The following ARRB2 variants were observed in gnomAD, a reference collection of about 807,000 sequenced individuals.
ARRB2 encodes arrestin beta 2, also known as beta-arrestin-2.
A neutral mutation model predicts 53.4 loss-of-function variants in ARRB2; 21 were observed. The observed-to-expected ratio is 0.39, with a 90% confidence interval of 0.28 to 0.57. The LOEUF is 0.57. Among genes scored for constraint, ARRB2 ranks in the 20% least tolerant of loss-of-function variants. ARRB2 has a pLI of 0.55. For missense variants in ARRB2, 369 were observed against 527.5 expected (o/e 0.70, Z 2.94); for synonymous variants, 180 against 212.9 (o/e 0.85, Z 1.34).
chr17:4,721,360 ACTC>A lies in ARRB2; in HGVS notation c.*324_*326del. On this transcript the variant is annotated 3_prime_UTR_variant, in exon 15 of 15. Transcript: ENST00000269260. This position sits in a 1 kb window ranked among gnomAD's most constrained non-coding sequence, Gnocchi z 4.2. ...GACAGGAGGGAAAGGGGGAGACAAA[ACTC>A]CTACTCTCAACCTCACACCAACACC... 1 of 426,822 alleles carries A rather than the reference ACTC, an allele frequency of 2.3e-6. No individual in the cohort carries two copies. The highest frequency in any genetic ancestry group is 4.1e-6 in the Non-Finnish European group (1 of 242,458). The allele number at this position is 426,822 out of a possible 1,614,324, so 26.4% of individuals were successfully genotyped here.
intron 1 of ARRB2, among the ~76,000 whole-genome samples, chr17:4,713,163 C>T (rs1177669628): frequency 1.4e-5 from 2 of 147,142 alleles, no homozygotes; most frequent in South Asian, 4.3e-4. Flanking sequence ...TGGAGATCAG[C>T]CTGGCTAACA....
chr17:4,717,299 G>A lies in ARRB2; in HGVS notation c.417+23G>A. The A allele has an allele frequency of 6.2e-7, 1 of 1,613,434 alleles. No homozygotes were observed. Among genetic ancestry groups the A allele is most frequent in the Non-Finnish European group, 8.5e-7 (1 of 1,179,380 alleles). ...AAGGTACGGGAGGAACAGCTCTGAG[G>A]GCTCCTAGGGCAGGACATGGGCCAG... On this transcript the variant is annotated intron_variant, in intron 6 of 14. Coordinates refer to ENST00000269260, the MANE Select transcript of ARRB2 (RefSeq NM_004313.4). This position sits in a 1 kb window ranked among gnomAD's most constrained non-coding sequence, Gnocchi z 6.0.
chr17:4,715,897 G>A, intron 2 of ARRB2, 76 bp from the exon 3 acceptor site: 1 of 1,555,092 alleles, frequency 6.4e-7, no homozygotes, highest in Non-Finnish European at 8.9e-7. Flanking sequence ...CCCCGGGCAG[G>A]GCAGCCAGTT....
At chr17:4,713,136 C>T (rs944939949) in intron 1 of ARRB2, among the ~76,000 whole-genome samples, 2 of 151,722 alleles carry the variant, frequency 1.3e-5, no homozygotes, top group Admixed American at 6.6e-5. Context: ...GCGGGTGGAT[C>T]ACCTGAGGTC....
chr17:4,719,205 T>G (rs1915422736), intron 10 of ARRB2, 78 bp from the exon 11 acceptor site: 3 of 1,525,412 alleles, frequency 2.0e-6, no homozygotes, highest in Non-Finnish European at 2.7e-6. Context: ...GAGGGGGAGA[T>G]GCTGCTTGGG....
chr17:4,719,489 G>T, intron 11 of ARRB2, 69 bp downstream of exon 11: 1 of 1,572,358 alleles, frequency 6.4e-7, no homozygotes, highest in African/African-American at 1.4e-5. Context: ...CTCTATCCTA[G>T]TGTGCCAGGG....
intron 9 of ARRB2, 49 bp from the exon 10 acceptor site, chr17:4,718,563 G>T: frequency 1.3e-6 from 2 of 1,582,876 alleles, no homozygotes; most frequent in Non-Finnish European, 1.7e-6. Context: ...GTGGTGTGGT[G>T]GTGGCTTGTG....
In ARRB2 at chr17:4,713,351, G is replaced by A. The variant is rs145710537; in HGVS notation, c.24-1662G>A. The stretch of plus-strand genomic sequence containing the variant: ...CTATACTAAAAATATAAAAATTAGC[G>A]GCCGGGCGTGGTGGCTCACGCCTGT... On this transcript the variant is annotated intron_variant, in intron 1 of 14. Transcript: ENST00000269260. 4.7e-3 allele frequency among the ~76,000 whole-genome samples: 709 copies of A among 152,086 alleles called. 4 individuals carry two copies. Among genetic ancestry groups the A allele is most frequent in the African/African-American group, 0.016 (658 of 41,504 alleles).
intron 14 of ARRB2, 85 bp from the exon 15 acceptor site, chr17:4,720,861 G>A (rs1022313745): frequency 4.3e-6 from 6 of 1,406,240 alleles, no homozygotes; most frequent in Non-Finnish European, 5.0e-6. Context: ...TGTCCCAGAG[G>A]CCTAGCTTCG....
intron 3 of ARRB2, 45 bp from the exon 4 acceptor site, chr17:4,716,102 G>A: frequency 6.2e-7 from 1 of 1,614,180 alleles, no homozygotes; most frequent in Non-Finnish European, 8.5e-7. Context: ...CAGGAAAGCG[G>A]GGAGCGGCCC....
chr17:4,714,022 T>C (rs1488151218), intron 1 of ARRB2, among the ~76,000 whole-genome samples: 2 of 152,216 alleles, frequency 1.3e-5, no homozygotes, highest in Admixed American at 1.3e-4. Flanking sequence ...GTGCTGGGCA[T>C]GGAGTAGTCA....
rs1226361531 is a variant in ARRB2, at chr17:4,717,234, A to T, written c.375A>T (p.Pro125=). 1 of 1,614,142 alleles carries T rather than the reference A, an allele frequency of 6.2e-7. No homozygotes were observed. The highest frequency in any genetic ancestry group is 1.7e-5 in the Admixed American group (1 of 60,020). ...PFFFTIPQNL[P]CSVTLQPGPE... ...CGCCACAGATACCCCAGAATCTTCC[A>T]TGCTCCGTCACACTGCAGCCAGGCC... Residue 125 remains proline (P), a synonymous_variant, in exon 6 of 15, where the codon CCA becomes CCT. Coordinates refer to ENST00000269260, the MANE Select transcript of ARRB2 (RefSeq NM_004313.4). The surrounding 1 kb of genome is among the most constrained non-coding windows in gnomAD (Gnocchi z 6.0).
chr17:4,719,258 C>T, intron 10 of ARRB2, 25 bp from the exon 11 acceptor site: 15 of 1,602,752 alleles, frequency 9.4e-6, no homozygotes, highest in Non-Finnish European at 1.3e-5. Flanking sequence ...CCCTAAGCAT[C>T]TTGTTCTCTT....
chr17:4,720,754 A>C, intron 14 of ARRB2, 114 bp downstream of exon 14: 1 of 1,116,056 alleles, frequency 9.0e-7, no homozygotes, highest in Non-Finnish European at 1.3e-6. Context: ...TTGTAGCATC[A>C]AATCAAGATG....
At chr17:4,716,065 C>T in intron 3 of ARRB2, 32 bp downstream of exon 3, 1 of 1,614,160 alleles carries the variant, frequency 6.2e-7, no homozygotes, top group South Asian at 1.1e-5. Flanking sequence ...CAGCTCGTTC[C>T]CCAAGAGGGG....
chr17:4,714,932 G>A lies in ARRB2; in HGVS notation c.24-81G>A, dbSNP rs117565830. 1,828 of 1,473,352 alleles carry A rather than the reference G, an allele frequency of 1.2e-3. 6 individuals carry two copies. The highest frequency in any genetic ancestry group is 1.5e-3 in the Non-Finnish European group (1,615 of 1,082,446). 91.3% of individuals were successfully genotyped at this position (1,473,352 alleles called of 1,614,324 possible). A position where few individuals can be genotyped will look rare whatever the true frequency, so the allele number is the denominator to read the frequency against. ...GGCCTGGGTGAGCACTGCTTCTCAG[G>A]CCTGGGAGGGAGAGGGTCCTGGTGT... On this transcript the variant is annotated intron_variant, in intron 1 of 14. Transcript: ENST00000269260.
chr17:4,716,839 T>C, intron 5 of ARRB2: 1 of 775,290 alleles, frequency 1.3e-6, no homozygotes, highest in Non-Finnish European at 2.0e-6. Context: ...TCCAGCCTCT[T>C]TTTTGTTGTT....
chr17:4,715,486 G>GAC (rs751919519), intron 2 of ARRB2: 4,439 of 133,390 alleles, frequency 0.033, 230 homozygotes, highest in African/African-American at 0.13. Context: ...CACACACACA[G>GAC]ACACACACAC....
chr17:4,711,862 A>C (rs1383799032), intron 1 of ARRB2, among the ~76,000 whole-genome samples: 1 of 152,196 alleles, frequency 6.6e-6, no homozygotes, highest in African/African-American at 2.4e-5. Flanking sequence ...GGGCCACAGG[A>C]AATGGAGCGA....
Sources: gnomAD v4.1 joint callset for allele counts (sites outside exome capture counted in the v4.1 genomes callset) on GRCh38, gnomAD v4.1.1 for gene constraint, Gnocchi (gnomAD v3.1) non-coding constraint, MANE v1.5 for transcripts, NCBI Gene and HGNC (gene_info 2026-07-23, HGNC 2026-07-21) for gene names.